Variants in TTLL5 observed in about 807,000 individuals in gnomAD.
The protein encoded by TTLL5 is tubulin polyglutamylase TTLL5.
In TTLL5, 132 loss-of-function variants were observed where a neutral mutation model predicts 168.4. That is an observed-to-expected ratio of 0.78 (90% CI 0.68 to 0.91). The LOEUF is 0.91. TTLL5 is among the 40% of genes least tolerant of loss of function. The pLI, the probability that TTLL5 is intolerant of heterozygous loss-of-function variation, is 0.00. For missense variants in TTLL5, 1,545 were observed against 1,581.5 expected (o/e 0.98, Z 0.39); for synonymous variants, 546 against 558.6 (o/e 0.98, Z 0.32).
At chr14:75,920,886 G>A (rs963866573) in intron 31 of TTLL5, among the ~76,000 whole-genome samples, 2 of 152,180 alleles carry the variant, frequency 1.3e-5, no homozygotes, top group African/African-American at 4.8e-5. Flanking sequence ...TCCAGCATCT[G>A]TTGTTTCTTG....
intron 29 of TTLL5, among the ~76,000 whole-genome samples, chr14:75,877,143 T>G (rs887230741): frequency 6.6e-6 from 1 of 152,154 alleles, no homozygotes; most frequent in South Asian, 2.1e-4. Context: ...GAGAGTAGCG[T>G]TTGCCTACTT....
chr14:75,931,193 G>A (rs947257460), intron 31 of TTLL5, among the ~76,000 whole-genome samples: 5 of 152,074 alleles, frequency 3.3e-5, no homozygotes, highest in Non-Finnish European at 5.9e-5. Context: ...CTGCTCACAC[G>A]TCTCTTTGGA....
intron 31 of TTLL5, among the ~76,000 whole-genome samples, chr14:75,919,982 A>T (rs1389032107): frequency 1.3e-5 from 2 of 152,098 alleles, no homozygotes; most frequent in Non-Finnish European, 2.9e-5. Context: ...TTAGCCAGGC[A>T]TAGTGCCTCA....
intron 12 of TTLL5, among the ~76,000 whole-genome samples, chr14:75,722,472 T>C (rs1887903162): frequency 6.6e-6 from 1 of 152,132 alleles, no homozygotes; most frequent in Non-Finnish European, 1.5e-5. Context: ...TTTCTGTGCT[T>C]GTTTGATCAT....
At chr14:75,822,538 A>C (rs1399314985) in intron 28 of TTLL5, among the ~76,000 whole-genome samples, 1 of 152,218 alleles carries the variant, frequency 6.6e-6, no homozygotes, top group Non-Finnish European at 1.5e-5. Context: ...ATAAAATGTA[A>C]AGAGAATCCC....
intron 6 of TTLL5, 49 bp downstream of exon 6, chr14:75,690,371 G>A: frequency 6.5e-7 from 1 of 1,548,050 alleles, no homozygotes; most frequent in Non-Finnish European, 8.7e-7. Context: ...TGAACCTGGG[G>A]AATATTTACC....
At chr14:75,835,428 C>T (rs1442513731) in intron 28 of TTLL5, 2 of 152,198 alleles carry the variant, frequency 1.3e-5, no homozygotes, top group Admixed American at 6.5e-5. Flanking sequence ...AATATACTCA[C>T]AGGACAAAGT....
intron 18 of TTLL5, among the ~76,000 whole-genome samples, chr14:75,754,201 C>A (rs1318230331): frequency 4.6e-5 from 7 of 152,104 alleles, no homozygotes; most frequent in Non-Finnish European, 8.8e-5. Flanking sequence ...TTTTAATATA[C>A]AAGAACTATT....
At chr14:75,782,664 C>A in intron 25 of TTLL5, 91 bp downstream of exon 25, 1 of 1,051,706 alleles carries the variant, frequency 9.5e-7, no homozygotes, top group Non-Finnish European at 1.4e-6. Context: ...ATTTCTAAAG[C>A]ATGGAACATT....
At position 75,940,227 on chromosome 14, in the gene TTLL5, C is replaced by T. The variant is rs1049258820; in HGVS notation, c.3824-14197C>T. On this transcript the variant is annotated intron_variant, in intron 31 of 31. Transcript: ENST00000298832. ...CCGAGTAGCTGGGACTACAGGCACCCGCTACCAAGCCTGGCTAATTTTTTT... is the reference window on the plus strand; with the variant it reads ...CCGAGTAGCTGGGACTACAGGCACCTGCTACCAAGCCTGGCTAATTTTTTT... 4.6e-5 allele frequency among the ~76,000 whole-genome samples: 7 copies of T among 151,914 alleles called. No individual in the cohort carries two copies. In the East Asian group the frequency reaches 7.8e-4, roughly 17 times the overall value.
At chr14:75,722,675 G>T (rs1307952863) in intron 12 of TTLL5, among the ~76,000 whole-genome samples, 1 of 151,684 alleles carries the variant, frequency 6.6e-6, no homozygotes, top group Non-Finnish European at 1.5e-5. Flanking sequence ...TAGAGACAGG[G>T]TCTCACTGTT....
intron 31 of TTLL5, among the ~76,000 whole-genome samples, chr14:75,950,364 G>A (rs1226260728): frequency 6.6e-6 from 1 of 152,198 alleles, no homozygotes. Flanking sequence ...GAAAGGGCTT[G>A]TAAAATCCAA....
chr14:75,922,074 A>C (rs958110129), intron 31 of TTLL5, among the ~76,000 whole-genome samples: 1 of 152,090 alleles, frequency 6.6e-6, no homozygotes, highest in African/African-American at 2.4e-5. Context: ...TGATTTTTGC[A>C]CGTTGATTTT....
chr14:75,824,833 C>T (rs981863779), intron 28 of TTLL5, among the ~76,000 whole-genome samples: 2 of 151,500 alleles, frequency 1.3e-5, no homozygotes, highest in Admixed American at 6.6e-5. Flanking sequence ...TGTTTTTATC[C>T]TCTGCCTCTG....
intron 6 of TTLL5, among the ~76,000 whole-genome samples, chr14:75,690,929 A>G (rs545913290): frequency 6.6e-6 from 1 of 152,310 alleles, no homozygotes; most frequent in East Asian, 1.9e-4. Flanking sequence ...CTGTAAGGAT[A>G]CTTTATATTC....
intron 28 of TTLL5, among the ~76,000 whole-genome samples, chr14:75,863,034 G>T (rs1468104307): frequency 2.0e-5 from 3 of 152,122 alleles, no homozygotes; most frequent in Non-Finnish European, 4.4e-5. Flanking sequence ...ACTCAAAAAG[G>T]CCACCGGCCC....
chr14:75,694,296 A>G (rs1044175863), intron 6 of TTLL5, among the ~76,000 whole-genome samples: 3 of 152,230 alleles, frequency 2.0e-5, no homozygotes, highest in African/African-American at 4.8e-5. Flanking sequence ...TAGAATTTCA[A>G]GAACATTCAG....
intron 30 of TTLL5, chr14:75,887,376 G>T: frequency 1.0e-6 from 1 of 968,708 alleles, no homozygotes; most frequent in African/African-American, 1.8e-5. Flanking sequence ...CTTAATAATT[G>T]TCCAAAAGTT....
At chr14:75,736,475 G>A (rs1241798014) in intron 15 of TTLL5, among the ~76,000 whole-genome samples, 2 of 152,176 alleles carry the variant, frequency 1.3e-5, no homozygotes, top group East Asian at 3.8e-4. Flanking sequence ...ATAGAGGCAG[G>A]CATAAAACAG....
Sources: allele counts gnomAD v4.1 joint callset (sites outside exome capture counted in the v4.1 genomes callset), GRCh38; gene constraint gnomAD v4.1.1; transcripts MANE v1.5; gene names NCBI Gene and HGNC (gene_info 2026-07-23, HGNC 2026-07-21).